The following ALDH1A2 variants were observed in gnomAD, a reference collection of about 807,000 sequenced individuals.
ALDH1A2 encodes retinal dehydrogenase 2.
In ALDH1A2, 27 loss-of-function variants were observed where a neutral mutation model predicts 60.3. The observed-to-expected ratio is 0.45, with a 90% CI of 0.33 to 0.62. The LOEUF (loss-of-function observed/expected upper bound fraction) is 0.62. Ranked by LOEUF, ALDH1A2 falls within the 20% of genes least tolerant of loss-of-function variation. ALDH1A2 has a pLI of 0.02. For missense variants in ALDH1A2, 581 were observed against 643.8 expected, an observed-to-expected ratio of 0.90 and a Z score of 1.06; for synonymous variants, 289 against 232.4, an observed-to-expected ratio of 1.24 and a Z score of -2.21.
chr15:58,045,555 T>A (rs1181643963), intron 1 of ALDH1A2, among the ~76,000 whole-genome samples: 2 of 152,216 alleles, frequency 1.3e-5, no homozygotes, highest in Non-Finnish European at 2.9e-5. Flanking sequence ...CATGGAATAC[T>A]ATGCAGCCAT....
chr15:57,964,887 T>C (rs1893843349), intron 8 of ALDH1A2: 1 of 152,162 alleles, frequency 6.6e-6, no homozygotes, highest in African/African-American at 2.4e-5. Flanking sequence ...TGACAACTAA[T>C]ATAAAGCTAA....
At chr15:58,006,098 G>T (rs1490819717) in intron 4 of ALDH1A2, among the ~76,000 whole-genome samples, 1 of 151,386 alleles carries the variant, frequency 6.6e-6, no homozygotes, top group Admixed American at 6.6e-5. Context: ...TTTAGCAGTG[G>T]TTTCCAAGAT....
chr15:58,010,947 G>T lies in ALDH1A2; in HGVS notation c.364-169C>A, dbSNP rs185167776. On this transcript the variant is annotated intron_variant, in intron 3 of 12. Transcript: ENST00000249750. The stretch of plus-strand genomic sequence containing the variant: ...AAAGATTTCTAGTACTGCCAGTTTG[G>T]TCTAGTTCCTAGTAAAAACCACAAT... Among the ~76,000 whole-genome samples, 18 of 152,240 alleles carry T rather than the reference G, an allele frequency of 1.2e-4. No homozygotes were observed. The East Asian group carries it at 3.3e-3, about 28-fold the overall frequency.
chr15:57,979,397 G>C (rs1413220973), intron 7 of ALDH1A2, among the ~76,000 whole-genome samples: 1 of 152,196 alleles, frequency 6.6e-6, no homozygotes, highest in Admixed American at 6.5e-5. Flanking sequence ...GGAAACCTCC[G>C]GGTACTGGTT....
chr15:57,966,421 A>T (rs1893899399), intron 7 of ALDH1A2, among the ~76,000 whole-genome samples: 1 of 152,230 alleles, frequency 6.6e-6, no homozygotes, highest in South Asian at 2.1e-4. Context: ...AGGCTGAGTT[A>T]GGAGAAAGCA....
At chr15:58,002,662 C>T (rs998338643) in intron 4 of ALDH1A2, among the ~76,000 whole-genome samples, 2 of 151,332 alleles carry the variant, frequency 1.3e-5, no homozygotes, top group Non-Finnish European at 2.9e-5. Context: ...AAGAACACTA[C>T]AAGAACTGTA....
chr15:58,033,242 T>A (rs1896291282), intron 1 of ALDH1A2, among the ~76,000 whole-genome samples: 1 of 152,002 alleles, frequency 6.6e-6, no homozygotes, highest in Non-Finnish European at 1.5e-5. Flanking sequence ...AAATAAAAAA[T>A]GCATTTGTAT....
At chr15:57,959,820 T>C (rs1233751374) in intron 12 of ALDH1A2, among the ~76,000 whole-genome samples, 1 of 152,182 alleles carries the variant, frequency 6.6e-6, no homozygotes, top group Non-Finnish European at 1.5e-5. Flanking sequence ...GCTTGGGAGC[T>C]TGAAATTACC....
chr15:57,961,317 A>C, intron 10 of ALDH1A2, 23 bp from the exon 11 acceptor site: 1 of 1,612,230 alleles, frequency 6.2e-7, no homozygotes, highest in East Asian at 2.2e-5. Context: ...AATATGACTC[A>C]ACATGGTTGC....
chr15:58,025,816 A>G lies in ALDH1A2; in HGVS notation c.118-11535T>C, dbSNP rs187832299. Among the ~76,000 whole-genome samples the G allele has an allele frequency of 3.0e-3, 464 of 152,344 alleles. 3 individuals carry two copies. The highest frequency in any genetic ancestry group is 0.011 in the African/African-American group (444 of 41,580). ...AATGTGAAGGGGAAGCAGGTGTGTTACATGGTGACAGAGAGAGCAAGAGAG... is the reference window on the plus strand; with the variant it reads ...AATGTGAAGGGGAAGCAGGTGTGTTGCATGGTGACAGAGAGAGCAAGAGAG... On this transcript the variant is annotated intron_variant, in intron 1 of 12. Coordinates refer to ENST00000249750, the MANE Select transcript of ALDH1A2 (RefSeq NM_003888.4).
chr15:57,960,962 T>A (rs1202648569), intron 11 of ALDH1A2, 118 bp from the exon 12 acceptor site: 15 of 1,335,338 alleles, frequency 1.1e-5, no homozygotes, highest in African/African-American at 1.5e-5. Context: ...GAGGAAAAAA[T>A]TGTAATTTAA....
At chr15:57,984,434 A>T (rs910598368) in intron 7 of ALDH1A2, among the ~76,000 whole-genome samples, 1 of 152,238 alleles carries the variant, frequency 6.6e-6, no homozygotes, top group Non-Finnish European at 1.5e-5. Context: ...GGATTTTAGT[A>T]TATTAACAGA....
At chr15:57,972,136 A>ATAAT (rs1894089400) in intron 7 of ALDH1A2, among the ~76,000 whole-genome samples, 1 of 128,030 alleles carries the variant, frequency 7.8e-6, no homozygotes, top group East Asian at 2.1e-4. Context: ...ATTCTATTTT[A>ATAAT]TAATTGGAAA....
At chr15:58,001,049 A>AAAG (rs1446328591) in intron 4 of ALDH1A2, among the ~76,000 whole-genome samples, 3 of 151,174 alleles carry the variant, frequency 2.0e-5, no homozygotes, top group Non-Finnish European at 4.4e-5. Context: ...AAAAAAAAAA[A>AAAG]AAAAGAATGA....
At chr15:57,968,826 C>T (rs1393717703) in intron 7 of ALDH1A2, among the ~76,000 whole-genome samples, 2 of 152,082 alleles carry the variant, frequency 1.3e-5, no homozygotes, top group Non-Finnish European at 2.9e-5. Flanking sequence ...TATTTTTTTG[C>T]CACTAGAAAT....
In ALDH1A2 at chr15:58,049,837, C is replaced by G. The variant is rs537413080; in HGVS notation, c.117+15697G>C. Among the ~76,000 whole-genome samples, 3 of 152,172 alleles carry G rather than the reference C, an allele frequency of 2.0e-5. No homozygotes were observed. The South Asian group carries it at 6.2e-4, about 32-fold the overall frequency. ...AAATGGCTTTTATGTACCCCCCTGT[C>G]TTGAAAACTGAGAATGTAACATGAT... On this transcript the variant is annotated intron_variant, in intron 1 of 12. Transcript: ENST00000249750.
intron 1 of ALDH1A2, among the ~76,000 whole-genome samples, chr15:58,015,929 T>C (rs1286465204): frequency 6.6e-6 from 1 of 152,190 alleles, no homozygotes; most frequent in Non-Finnish European, 1.5e-5. Context: ...TGATAGCTCA[T>C]TACATTTTCA....
chr15:57,995,974 C>T (rs7180059), intron 4 of ALDH1A2, among the ~76,000 whole-genome samples: 70,164 of 151,914 alleles, frequency 0.46, 16,785 homozygotes, highest in Non-Finnish European at 0.54. Context: ...TAGCAGATAG[C>T]TTTTCATTTT....
intron 1 of ALDH1A2, among the ~76,000 whole-genome samples, chr15:58,049,070 A>C (rs1896708834): frequency 1.3e-5 from 2 of 152,108 alleles, no homozygotes; most frequent in African/African-American, 2.4e-5. Context: ...GAATGGAATC[A>C]CATAGTAAGT....
Sources: allele counts gnomAD v4.1 joint callset (sites outside exome capture counted in the v4.1 genomes callset), GRCh38; gene constraint gnomAD v4.1.1; transcripts MANE v1.5; gene names NCBI Gene and HGNC (gene_info 2026-07-23, HGNC 2026-07-21).